LURAP1: variants seen among roughly 807,000 people sequenced by gnomAD.
LURAP1 encodes the protein NF-kappa-B activator C1orf190.
In LURAP1, 14 loss-of-function variants were observed where a neutral mutation model predicts 19.0. The observed-to-expected ratio is 0.74, with a 90% CI of 0.49 to 1.15. The LOEUF (loss-of-function observed/expected upper bound fraction) is 1.15. Among genes scored for constraint, LURAP1 ranks in the 50% most tolerant of loss-of-function variants. LURAP1 has a pLI of 0.00. For synonymous variants in LURAP1, 129 were observed against 131.8 expected (o/e 0.98, Z 0.14); for missense variants, 273 against 309.1 (o/e 0.88, Z 0.87).
intron 1 of LURAP1, among the ~76,000 whole-genome samples, chr1:46,205,329 A>G (rs1449753346): frequency 1.3e-5 from 2 of 152,020 alleles, no homozygotes; most frequent in African/African-American, 4.8e-5. Flanking sequence ...AAGAAAAGAA[A>G]ACAGAGGCAC....
At chr1:46,218,263 G>A (rs990784975) in intron 1 of LURAP1, among the ~76,000 whole-genome samples, 1 of 152,180 alleles carries the variant, frequency 6.6e-6, no homozygotes, top group African/African-American at 2.4e-5. Context: ...GTGCACGCCT[G>A]TGGTCTTAGC....
chr1:46,207,910 C>T (rs1378720933), intron 1 of LURAP1, among the ~76,000 whole-genome samples: 2 of 151,766 alleles, frequency 1.3e-5, no homozygotes, highest in Non-Finnish European at 1.5e-5. Context: ...TCTTGGCGTC[C>T]AGGCTGGAGT....
rs1659225003 is a variant in LURAP1, at chr1:46,221,069, T to C, written c.*849T>C. ...ATGGGTAGCCCTTTGTACGGGTCCTTGGATGGTAGTAGGTCATATAGGGGC... is the reference window on the plus strand; with the variant it reads ...ATGGGTAGCCCTTTGTACGGGTCCTCGGATGGTAGTAGGTCATATAGGGGC... On this transcript the variant is annotated 3_prime_UTR_variant, in exon 2 of 2. Transcript: ENST00000371980. 6.6e-6 allele frequency: 1 copy of C among 152,194 alleles called. No individual in the cohort carries two copies. The highest frequency in any genetic ancestry group is 2.4e-5 in the African/African-American group (1 of 41,434). The allele number at this position is 152,194 out of a possible 1,614,324, so 9.4% of individuals were successfully genotyped here.
In LURAP1 at chr1:46,220,462, T is replaced by C; in HGVS notation, c.*242T>C. On this transcript the variant is annotated 3_prime_UTR_variant, in exon 2 of 2. Transcript: ENST00000371980. ...TTTCTTTTTTTGAGACAGGGTCTTATGCTGTTACCCAAGATAGAGAGCAGT... is the reference window on the plus strand; with the variant it reads ...TTTCTTTTTTTGAGACAGGGTCTTACGCTGTTACCCAAGATAGAGAGCAGT... The C allele has an allele frequency of 2.1e-6, 1 of 479,316 alleles. No homozygotes were observed. Among genetic ancestry groups the C allele is most frequent in the Non-Finnish European group, 3.7e-6 (1 of 269,560 alleles). 29.7% of individuals were successfully genotyped at this position (479,316 alleles called of 1,614,324 possible). A position where few individuals can be genotyped will look rare whatever the true frequency, so the allele number is the denominator to read the frequency against.
rs773440254 is a variant in LURAP1 at position 46,203,433 on chromosome 1, G to C, written c.7G>C (p.Gly3Arg). The stretch of plus-strand genomic sequence containing the variant: ...TTTTCAGGCTTGGGCCCGCATGGAG[G>C]GGACCGTGGAGTCCCAGACGCCTGA... ME[G>R]TVESQTPDLR... The change falls in exon 1 of 2, where the codon GGG becomes CGG. Residue 3 changes from glycine to arginine, a missense_variant. By Grantham distance (125) the Gly-to-Arg change is moderately radical. Coordinates refer to ENST00000371980, the MANE Select transcript of LURAP1 (RefSeq NM_001013615.3). 4 of 1,467,234 alleles carry C rather than the reference G, an allele frequency of 2.7e-6. No homozygotes were observed. The East Asian group carries it at 1.1e-4, about 39-fold the overall frequency. The allele number at this position is 1,467,234 out of a possible 1,614,324, so 90.9% of individuals were successfully genotyped here. A position where few individuals can be genotyped will look rare whatever the true frequency, so the allele number is the denominator to read the frequency against.
chr1:46,214,088 G>C (rs1658985445), intron 1 of LURAP1, among the ~76,000 whole-genome samples: 1 of 152,192 alleles, frequency 6.6e-6, no homozygotes, highest in Admixed American at 6.5e-5. Context: ...GCTCAGGCCT[G>C]TAATCCCAAT....
chr1:46,206,859 G>A (rs960043751), intron 1 of LURAP1, among the ~76,000 whole-genome samples: 1 of 152,166 alleles, frequency 6.6e-6, no homozygotes, highest in Non-Finnish European at 1.5e-5. Context: ...CTGCTCTCAG[G>A]GAGCTCACAG....
Position 46,203,412 on chromosome 1 carries a change from C to T in LURAP1, c.-15C>T. 3.5e-6 allele frequency: 5 copies of T among 1,439,936 alleles called. No individual in the cohort carries two copies. Among genetic ancestry groups the T allele is most frequent in the Middle Eastern group, 2.1e-4 (1 of 4,810 alleles). The allele number at this position is 1,439,936 out of a possible 1,614,324, so 89.2% of individuals were successfully genotyped here. A position where few individuals can be genotyped will look rare whatever the true frequency, so the allele number is the denominator to read the frequency against. ...CGGCGTCCGGTCGCCCAGCCCTTTT[C>T]AGGCTTGGGCCCGCATGGAGGGGAC... On this transcript the variant is annotated 5_prime_UTR_variant, in exon 1 of 2. Coordinates refer to ENST00000371980, the MANE Select transcript of LURAP1 (RefSeq NM_001013615.3).
chr1:46,203,568 G>A lies in LURAP1; in HGVS notation c.142G>A (p.Ala48Thr). 1 of 1,574,112 alleles carries A rather than the reference G, an allele frequency of 6.4e-7. No homozygotes were observed. Among genetic ancestry groups the A allele is most frequent in the South Asian group, 1.2e-5 (1 of 85,146 alleles). ...CTCTGGCGCCCTGCTGCTCCCAGGGGCGTCTAGCACCGGCCACGACTTGGG... is the reference window on the plus strand; with the variant it reads ...CTCTGGCGCCCTGCTGCTCCCAGGGACGTCTAGCACCGGCCACGACTTGGG... The part of the protein sequence containing the change: ...GTSGALLLPG[A>T]SSTGHDLGDK... Residue 48 changes from alanine to threonine, a missense_variant, in exon 1 of 2, where the codon GCG becomes ACG. Coordinates refer to ENST00000371980, the MANE Select transcript of LURAP1 (RefSeq NM_001013615.3).
chr1:46,203,951 C>A (rs868694894), intron 1 of LURAP1, among the ~76,000 whole-genome samples: 4 of 152,098 alleles, frequency 2.6e-5, no homozygotes, highest in African/African-American at 7.2e-5. Flanking sequence ...CAAATTCCCC[C>A]CGCCTGTATG....
intron 1 of LURAP1, among the ~76,000 whole-genome samples, chr1:46,214,286 C>T (rs777375265): frequency 4.0e-5 from 6 of 150,898 alleles, no homozygotes; most frequent in Non-Finnish European, 7.4e-5. Context: ...GTAGAGGTTG[C>T]AGTGAGCCGA....
Position 46,203,596 on chromosome 1 carries a change from A to ACAAGAT in LURAP1, c.173_178dup (p.Lys58_Ile59dup). 6.3e-7 allele frequency: 1 copy of ACAAGAT among 1,593,544 alleles called. No homozygotes were observed. Among genetic ancestry groups the ACAAGAT allele is most frequent in the Non-Finnish European group, 8.5e-7 (1 of 1,171,566 alleles). On this transcript the variant is annotated inframe_insertion, in exon 1 of 2. Transcript: ENST00000371980. Reference sequence around the variant, plus strand: ...TCTAGCACCGGCCACGACTTGGGGGACAAGATCATGGCGCTGAAGATGGAG... The same window carrying ACAAGAT: ...TCTAGCACCGGCCACGACTTGGGGGACAAGATCAAGATCATGGCGCTGAAGATGGAG...
chr1:46,204,002 G>T (rs934158500), intron 1 of LURAP1, among the ~76,000 whole-genome samples: 11 of 152,162 alleles, frequency 7.2e-5, no homozygotes, highest in Non-Finnish European at 1.0e-4. Flanking sequence ...AAGGCAACCG[G>T]TTTTTTCTCC....
In LURAP1 at chr1:46,217,851, C is replaced by CT. The variant is rs571489748; in HGVS notation, c.199-1847dup. Among the ~76,000 whole-genome samples, 41 of 152,090 alleles carry CT rather than the reference C, an allele frequency of 2.7e-4. 1 individual carries two copies. The South Asian group carries it at 7.1e-3, about 26-fold the overall frequency. The stretch of plus-strand genomic sequence containing the variant: ...CAGCCTGGGCAACAAGAGAGAAACT[C>CT]TGTCTCAAAAAAGAAAAAAGAAAGT... On this transcript the variant is annotated intron_variant, in intron 1 of 1. Coordinates refer to ENST00000371980, the MANE Select transcript of LURAP1 (RefSeq NM_001013615.3).
At chr1:46,212,619 C>T (rs1324043531) in intron 1 of LURAP1, among the ~76,000 whole-genome samples, 1 of 151,850 alleles carries the variant, frequency 6.6e-6, no homozygotes, top group African/African-American at 2.4e-5. Context: ...CTCTGTCACC[C>T]AAGCTATAGT....
At chr1:46,204,796 C>T (rs1658660976) in intron 1 of LURAP1, among the ~76,000 whole-genome samples, 1 of 152,220 alleles carries the variant, frequency 6.6e-6, no homozygotes, top group Non-Finnish European at 1.5e-5. Flanking sequence ...TTGCCTTTGC[C>T]TCACTGTACA....
intron 1 of LURAP1, among the ~76,000 whole-genome samples, chr1:46,217,850 T>C (rs1038508650): frequency 1.1e-4 from 16 of 152,096 alleles, no homozygotes; most frequent in African/African-American, 3.9e-4. Context: ...AGAGAGAAAC[T>C]CTGTCTCAAA....
chr1:46,216,618 A>AG (rs1440377078), intron 1 of LURAP1, among the ~76,000 whole-genome samples: 1 of 152,202 alleles, frequency 6.6e-6, no homozygotes, highest in African/African-American at 2.4e-5. Flanking sequence ...CTGGAATTAC[A>AG]GGCAAGAGCC....
intron 1 of LURAP1, among the ~76,000 whole-genome samples, chr1:46,213,211 T>C (rs930951392): frequency 7.9e-5 from 12 of 151,564 alleles, no homozygotes; most frequent in African/African-American, 2.9e-4. Context: ...GATGTTTCGA[T>C]GAACAGCATA....
Sources: allele counts gnomAD v4.1 joint callset (sites outside exome capture counted in the v4.1 genomes callset), GRCh38; gene constraint gnomAD v4.1.1; transcripts MANE v1.5; gene names NCBI Gene and HGNC (gene_info 2026-07-23, HGNC 2026-07-21).